PDE6B: variants seen among roughly 807,000 people sequenced by gnomAD.
The protein encoded by PDE6B is rod cGMP-specific 3',5'-cyclic phosphodiesterase subunit beta.
A neutral mutation model predicts 109.0 loss-of-function variants in PDE6B; 106 were observed. The observed-to-expected ratio is 0.97, with a 90% CI of 0.83 to 1.14. The LOEUF (loss-of-function observed/expected upper bound fraction) is 1.14, where lower values mean the gene tolerates loss of function less well. Ranked by LOEUF, PDE6B falls within the 50% of genes most tolerant of loss-of-function variation. The pLI is 0.00. For synonymous variants in PDE6B, 490 were observed against 471.3 expected, an observed-to-expected ratio of 1.04 and a Z score of -0.51; for missense variants, 1,193 against 1,155.6, an observed-to-expected ratio of 1.03 and a Z score of -0.47.
chr4:633,610 G>A lies in PDE6B; in HGVS notation c.469-1067G>A, dbSNP rs139068265. The stretch of plus-strand genomic sequence containing the variant: ...TCCCAGGAGCTCCCATTCAGCTGGC[G>A]CAGTGGCTGAGGGCAGAGCCTGTTA... On this transcript the variant is annotated intron_variant, in intron 1 of 21. Coordinates refer to ENST00000496514, the MANE Select transcript of PDE6B (RefSeq NM_000283.4). The surrounding 1 kb of genome is among the most constrained non-coding windows in gnomAD (Gnocchi z 4.5). 2.8e-4 allele frequency among the ~76,000 whole-genome samples: 42 copies of A among 152,198 alleles called. No homozygotes were observed. The highest frequency in any genetic ancestry group is 4.9e-4 in the Non-Finnish European group (33 of 68,020).
At chr4:628,388 G>A (rs1734222689) in intron 1 of PDE6B, among the ~76,000 whole-genome samples, 1 of 152,202 alleles carries the variant, frequency 6.6e-6, no homozygotes, top group Non-Finnish European at 1.5e-5. Flanking sequence ...TCCCTCAGAC[G>A]GGGCGTGGGT....
At position 663,784 on chromosome 4, in the gene PDE6B, C is replaced by G; in HGVS notation, c.1935C>G (p.Tyr645Ter). The change falls in exon 16 of 22, where the codon TAC becomes TAG. Residue 645 changes from tyrosine to a stop codon, truncating the protein, a stop_gained. Transcript: ENST00000496514. LOFTEE classifies it high-confidence loss of function. The surrounding 1 kb of genome is among the most constrained non-coding windows in gnomAD (Gnocchi z 4.0). Reference protein sequence around the residue: ...FLLSEETLNIYQNLNRRQHEH... With the variant: ...FLLSEETLNI Reference sequence around the variant, plus strand: ...AACCTCCGCAGACCCTGAACATCTACCAGAACCTGAACCGGCGGCAGCACG... The same window carrying G: ...AACCTCCGCAGACCCTGAACATCTAGCAGAACCTGAACCGGCGGCAGCACG... 2 of 1,611,904 alleles carry G rather than the reference C, an allele frequency of 1.2e-6. No homozygotes were observed. Among genetic ancestry groups the G allele is most frequent in the Non-Finnish European group, 1.7e-6 (2 of 1,179,012 alleles).
chr4:650,841 C>T (rs1305007272), intron 3 of PDE6B, among the ~76,000 whole-genome samples: 1 of 152,116 alleles, frequency 6.6e-6, no homozygotes, highest in African/African-American at 2.4e-5. Context: ...GAGCCGGCAG[C>T]GAAAATCCAC....
At chr4:643,918 C>CTT (rs57739128) in intron 3 of PDE6B, among the ~76,000 whole-genome samples, 2,114 of 107,716 alleles carry the variant, frequency 0.02, 143 homozygotes, top group African/African-American at 0.068. Flanking sequence ...AGTTCAAAAT[C>CTT]TTTTTTTTTT....
Position 660,592 on chromosome 4 carries a change from A to G in PDE6B, c.1593A>G (p.Arg531=), listed in dbSNP as rs747873251. The part of the protein sequence containing the change: ...IQMYYELGVV[R]KFQIPQEVLV... Reference sequence around the variant, plus strand: ...TGTACTACGAGCTGGGCGTGGTCCGAAAGTTCCAGATCCCCCAGGAGGTGG... The same window carrying G: ...TGTACTACGAGCTGGGCGTGGTCCGGAAGTTCCAGATCCCCCAGGAGGTGG... Residue 531 remains arginine, a synonymous_variant, in exon 12 of 22, where the codon CGA becomes CGG. Transcript: ENST00000496514. The G allele has an allele frequency of 6.2e-7, 1 of 1,613,802 alleles. No individual in the cohort carries two copies. The highest frequency in any genetic ancestry group is 1.1e-5 in the South Asian group (1 of 91,076).
chr4:656,637 C>A (rs896095818), intron 8 of PDE6B, among the ~76,000 whole-genome samples: 5 of 152,236 alleles, frequency 3.3e-5, no homozygotes, highest in Non-Finnish European at 5.9e-5. Context: ...CATGAAACCA[C>A]TCCTGGTGGG....
intron 11 of PDE6B, among the ~76,000 whole-genome samples, chr4:659,556 C>T (rs1389649144): frequency 2.7e-5 from 4 of 150,516 alleles, no homozygotes; most frequent in Non-Finnish European, 5.9e-5. Context: ...CAGGTGTGTA[C>T]ATGTGTGCAC....
At chr4:639,572 G>A (rs746113734) in intron 3 of PDE6B, among the ~76,000 whole-genome samples, 3 of 152,238 alleles carry the variant, frequency 2.0e-5, no homozygotes, top group Admixed American at 2.0e-4. Flanking sequence ...ATGCCTCTAA[G>A]TTCTTATGGC....
Position 660,710 on chromosome 4 carries a change from G to A in PDE6B, c.1614+97G>A, listed in dbSNP as rs1577293355. On this transcript the variant is annotated intron_variant, in intron 12 of 21. Coordinates refer to ENST00000496514, the MANE Select transcript of PDE6B (RefSeq NM_000283.4). ...GGGCCTCAGGTGCCCCAGAAGGTGA[G>A]GGGGATGGGATTGGGGGTTCCAGAT... The A allele has an allele frequency of 5.7e-5, 61 of 1,078,264 alleles. 4 individuals are homozygous for A. The South Asian group carries it at 7.4e-4, about 13-fold the overall frequency. The allele number at this position is 1,078,264 out of a possible 1,614,324, so 66.8% of individuals were successfully genotyped here. A position where few individuals can be genotyped will look rare whatever the true frequency, so the allele number is the denominator to read the frequency against.
chr4:655,304 G>T (rs1249940830), intron 6 of PDE6B: 1 of 303,298 alleles, frequency 3.3e-6, no homozygotes, highest in South Asian at 3.3e-5. Context: ...GCTGGAAGAG[G>T]AGGGGAACTC....
chr4:670,042 G>A lies in PDE6B; in HGVS notation c.2504-4G>A. The A allele has an allele frequency of 6.2e-7, 1 of 1,611,884 alleles. No individual in the cohort carries two copies. Among genetic ancestry groups the A allele is most frequent in the South Asian group, 1.1e-5 (1 of 91,054 alleles). ...CACTCACCATCTTCTGTCTTCTCTT[G>A]CAGTAGGCACAGAAATTTGCAATGG... On this transcript the variant is annotated splice_polypyrimidine_tract_variant and splice_region_variant and intron_variant, in intron 21 of 21. Coordinates refer to ENST00000496514, the MANE Select transcript of PDE6B (RefSeq NM_000283.4).
At chr4:661,750 C>T in intron 12 of PDE6B, 1 of 323,484 alleles carries the variant, frequency 3.1e-6, no homozygotes, top group Non-Finnish European at 6.1e-6. Context: ...TCTCCCACCC[C>T]AGCCTGCAGC....
At chr4:653,660 G>A (rs1184832624) in intron 3 of PDE6B, 192 bp from the exon 4 acceptor site, 23 of 682,646 alleles carry the variant, frequency 3.4e-5, no homozygotes, top group Non-Finnish European at 5.1e-5. Flanking sequence ...GCCAGCTCCC[G>A]GGCCCCACAA....
chr4:638,512 G>T (rs368194508), intron 3 of PDE6B, among the ~76,000 whole-genome samples: 1 of 152,120 alleles, frequency 6.6e-6, no homozygotes, highest in South Asian at 2.1e-4. Flanking sequence ...TAGTAGAGAC[G>T]GGGTTTCACC....
rs530940238 is a variant in PDE6B at position 646,538 on chromosome 4, C to G, written c.712-7314C>G. ...TTTTGGAAAATCTCAGCCATTATTA[C>G]TTCCAACATGTCTTCTCCTTCGCTC... On this transcript the variant is annotated intron_variant, in intron 3 of 21. Coordinates refer to ENST00000496514, the MANE Select transcript of PDE6B (RefSeq NM_000283.4). 1.2e-4 allele frequency among the ~76,000 whole-genome samples: 18 copies of G among 152,180 alleles called. No homozygotes were observed. In the South Asian group the frequency reaches 2.7e-3, roughly 23 times the overall value.
At chr4:637,609 C>G (rs553860440) in intron 3 of PDE6B, among the ~76,000 whole-genome samples, 1 of 152,346 alleles carries the variant, frequency 6.6e-6, no homozygotes, top group South Asian at 2.1e-4. Context: ...GAGCCTGGTT[C>G]CTTCTGTTGG....
rs1236607399 is a variant in PDE6B, at chr4:663,350, G to A, written c.1920+163G>A. On this transcript the variant is annotated intron_variant, in intron 15 of 21. Transcript: ENST00000496514. The surrounding 1 kb of genome is among the most constrained non-coding windows in gnomAD (Gnocchi z 4.0). ...AGAGAAGGCGGAGGGCCGAGGCTGA[G>A]GGCAGGTGCATCGGAGGCCCTGGGA... 2.0e-5 allele frequency among the ~76,000 whole-genome samples: 3 copies of A among 152,218 alleles called. No individual in the cohort carries two copies. Among genetic ancestry groups the A allele is most frequent in the South Asian group, 2.1e-4 (1 of 4,834 alleles).
Position 670,264 on chromosome 4 carries a change from A to G in PDE6B, c.*157A>G, listed in dbSNP as rs1482474168. On this transcript the variant is annotated 3_prime_UTR_variant, in exon 22 of 22. Transcript: ENST00000496514. Reference sequence around the variant, plus strand: ...ATTTTTTTTTTTTTTTTTTTTTGAGATGGAGTCTTGCTCTGTCACCCAGGC... The same window carrying G: ...ATTTTTTTTTTTTTTTTTTTTTGAGGTGGAGTCTTGCTCTGTCACCCAGGC... 5.4e-6 allele frequency: 5 copies of G among 925,352 alleles called. No homozygotes were observed. Among genetic ancestry groups the G allele is most frequent in the Non-Finnish European group, 7.5e-6 (5 of 662,264 alleles). The allele number at this position is 925,352 out of a possible 1,614,324, so 57.3% of individuals were successfully genotyped here. A position where few individuals can be genotyped will look rare whatever the true frequency, so the allele number is the denominator to read the frequency against.
intron 3 of PDE6B, 30 bp from the exon 4 acceptor site, chr4:653,822 A>G (rs370791924): frequency 3.1e-5 from 50 of 1,612,126 alleles, no homozygotes; most frequent in Non-Finnish European, 4.2e-5. Flanking sequence ...GGGAGTGGCC[A>G]CAGGCCCACA....
Sources: gnomAD v4.1 joint callset for allele counts (sites outside exome capture counted in the v4.1 genomes callset) on GRCh38, gnomAD v4.1.1 for gene constraint, Gnocchi (gnomAD v3.1) non-coding constraint, MANE v1.5 for transcripts, NCBI Gene and HGNC (gene_info 2026-07-23, HGNC 2026-07-21) for gene names.